C10orf90: variants seen among roughly 807,000 people sequenced by gnomAD.
C10orf90 encodes chromosome 10 open reading frame 90.
A neutral mutation model predicts 62.5 loss-of-function variants in C10orf90; 56 were observed. That is an observed-to-expected ratio of 0.90 (90% CI 0.72 to 1.12). The LOEUF (loss-of-function observed/expected upper bound fraction) is 1.12, where lower values mean the gene tolerates loss of function less well. C10orf90 is among the 50% of genes most tolerant of loss of function. The pLI is 0.00. For missense variants in C10orf90, 970 were observed against 880.4 expected, an observed-to-expected ratio of 1.10 and a Z score of -1.29; for synonymous variants, 386 against 340.4, an observed-to-expected ratio of 1.13 and a Z score of -1.47.
intron 3 of C10orf90, 137 bp downstream of exon 3, chr10:126,513,711 G>A (rs1363183726): frequency 1.3e-5 from 8 of 599,240 alleles, no homozygotes; most frequent in Admixed American, 9.0e-5. Context: ...TCTATAGCAC[G>A]GTTAGATTGT....
At chr10:126,609,273 G>A (rs1260030307) in intron 2 of C10orf90, among the ~76,000 whole-genome samples, 1 of 152,114 alleles carries the variant, frequency 6.6e-6, no homozygotes, top group African/African-American at 2.4e-5. Flanking sequence ...CATGGTGGTG[G>A]GCATCTGTAA....
intron 2 of C10orf90, among the ~76,000 whole-genome samples, chr10:126,515,335 C>T (rs1458481924): frequency 1.3e-5 from 2 of 152,220 alleles, no homozygotes; most frequent in South Asian, 4.1e-4. Context: ...CACTCACTCA[C>T]TCATCCAGAT....
chr10:126,438,751 T>TTG lies in C10orf90; in HGVS notation c.2189-8903_2189-8902dup, dbSNP rs5788786. On this transcript the variant is annotated intron_variant, in intron 7 of 9. Transcript: ENST00000488181. ...ATATGTATACATGTGTGTATGTATG[T>TTG]TGTGTGTGTGTGTGTGTGTGTGTGT... 2.1e-3 allele frequency among the ~76,000 whole-genome samples: 316 copies of TTG among 150,974 alleles called. 5 individuals are homozygous for TTG. The South Asian group carries it at 0.029, about 14-fold the overall frequency.
chr10:126,529,333 CCAAAGA>C (rs1361749363), intron 2 of C10orf90, among the ~76,000 whole-genome samples: 12 of 151,840 alleles, frequency 7.9e-5, no homozygotes, highest in African/African-American at 2.9e-4. Flanking sequence ...TAGAATATTC[CCAAAGA>C]CAAACACCAT....
chr10:126,504,744 G>C lies in C10orf90; in HGVS notation c.747C>G (p.Arg249=), dbSNP rs1359017743. ...ITARRVGPPA[R]ALVWGTAGDS... is the part of the protein sequence containing the mutation. ...CCCCAGCAGTCCCCCACACCAGGGCGCGGGCTGGGGGGCCCACGCGTCTGG... is the reference window on the plus strand; with the variant it reads ...CCCCAGCAGTCCCCCACACCAGGGCCCGGGCTGGGGGGCCCACGCGTCTGG... The change falls in exon 4 of 10, where the codon CGC becomes CGG. Residue 249 remains arginine (R), a synonymous_variant. Transcript: ENST00000488181. This position sits in a 1 kb window ranked among gnomAD's most constrained non-coding sequence, Gnocchi z 4.1. The C allele has an allele frequency of 1.3e-6, 2 of 1,594,830 alleles. No homozygotes were observed. Among genetic ancestry groups the C allele is most frequent in the Non-Finnish European group, 1.7e-6 (2 of 1,169,710 alleles).
intron 2 of C10orf90, among the ~76,000 whole-genome samples, chr10:126,518,579 CA>C (rs1297419498): frequency 6.6e-6 from 1 of 152,114 alleles, no homozygotes; most frequent in East Asian, 1.9e-4. Flanking sequence ...TGAGAGCCAG[CA>C]TGCTTTTATT....
In C10orf90 at chr10:126,566,710, A is replaced by G. The variant is rs116415820; in HGVS notation, c.314-52771T>C. ...GAGCTGGTGCCTGTGGGGCAGTGGC[A>G]TGGAGGACCACAGGTGCTGACCTTT... is the stretch of plus-strand genomic sequence containing the variant. On this transcript the variant is annotated intron_variant, in intron 2 of 9. Coordinates refer to ENST00000488181, the MANE Select transcript of C10orf90 (RefSeq NM_001350921.2). Among the ~76,000 whole-genome samples, 786 of 152,300 alleles carry G rather than the reference A, an allele frequency of 5.2e-3. 8 individuals are homozygous for G. Among genetic ancestry groups the G allele is most frequent in the African/African-American group, 0.017 (719 of 41,566 alleles).
intron 2 of C10orf90, among the ~76,000 whole-genome samples, chr10:126,549,423 A>T (rs892633406): frequency 6.6e-6 from 1 of 152,244 alleles, no homozygotes; most frequent in Non-Finnish European, 1.5e-5. Flanking sequence ...GTCCAGCCTC[A>T]TTAGCCATTA....
chr10:126,600,965 C>A (rs1845187512), intron 2 of C10orf90, among the ~76,000 whole-genome samples: 1 of 152,128 alleles, frequency 6.6e-6, no homozygotes, highest in Non-Finnish European at 1.5e-5. Flanking sequence ...ATGAATGGAT[C>A]AAGAAAATAT....
chr10:126,657,654 T>C (rs1007418671), intron 1 of C10orf90, among the ~76,000 whole-genome samples: 3 of 151,692 alleles, frequency 2.0e-5, no homozygotes, highest in African/African-American at 7.3e-5. Flanking sequence ...TCACTCATGT[T>C]GCCCAGGCTA....
At chr10:126,498,510 G>C (rs974896837) in intron 4 of C10orf90, among the ~76,000 whole-genome samples, 3 of 152,180 alleles carry the variant, frequency 2.0e-5, no homozygotes, top group African/African-American at 7.2e-5. Context: ...CAAGATCCTT[G>C]ACTTGTTTCA....
rs115480997 is a variant in C10orf90 at position 126,573,765 on chromosome 10, C to T, written c.314-59826G>A. On this transcript the variant is annotated intron_variant, in intron 2 of 9. Transcript: ENST00000488181. ...GTTTCCCTGACTGATCCCCAGTACCCAACACAAAGTCTGGCATGAGGAAAC... is the reference window on the plus strand; with the variant it reads ...GTTTCCCTGACTGATCCCCAGTACCTAACACAAAGTCTGGCATGAGGAAAC... Among the ~76,000 whole-genome samples the T allele has an allele frequency of 9.0e-3, 1,376 of 152,224 alleles. 24 individuals carry two copies. The highest frequency in any genetic ancestry group is 0.032 in the African/African-American group (1,316 of 41,544).
At chr10:126,626,506 C>T (rs1167849573) in intron 2 of C10orf90, among the ~76,000 whole-genome samples, 1 of 152,128 alleles carries the variant, frequency 6.6e-6, no homozygotes, top group Admixed American at 6.5e-5. Context: ...TGTCTTGCCT[C>T]GTGTGTGAAG....
At chr10:126,521,246 A>T in intron 2 of C10orf90, 1 of 1,588,116 alleles carries the variant, frequency 6.3e-7, no homozygotes, top group South Asian at 1.1e-5. Flanking sequence ...GAATGAACAG[A>T]TTACTTTATA....
chr10:126,437,882 G>T lies in C10orf90; in HGVS notation c.2189-8032C>A, dbSNP rs369265934. On this transcript the variant is annotated intron_variant, in intron 7 of 9. Transcript: ENST00000488181. Reference sequence around the variant, plus strand: ...AGGCAATGCTGTGGAAGGCCAGCCTGTGTCCTTGTTATGCAGTTAGTTCTA... The same window carrying T: ...AGGCAATGCTGTGGAAGGCCAGCCTTTGTCCTTGTTATGCAGTTAGTTCTA... Among the ~76,000 whole-genome samples the T allele has an allele frequency of 3.0e-3, 454 of 152,332 alleles. 4 individuals carry two copies. The highest frequency in any genetic ancestry group is 5.5e-3 in the Non-Finnish European group (371 of 68,032).
chr10:126,618,968 C>A (rs1845594182), intron 2 of C10orf90, among the ~76,000 whole-genome samples: 1 of 152,026 alleles, frequency 6.6e-6, no homozygotes, highest in Non-Finnish European at 1.5e-5. Context: ...AAATGTGGTA[C>A]ATATACACCA....
intron 2 of C10orf90, among the ~76,000 whole-genome samples, chr10:126,623,911 T>A (rs934811716): frequency 2.0e-5 from 3 of 151,738 alleles, no homozygotes; most frequent in African/African-American, 7.3e-5. Context: ...GTCCCAGCCC[T>A]TAGAAACCCT....
At chr10:126,527,380 G>A (rs1429091712) in intron 2 of C10orf90, among the ~76,000 whole-genome samples, 2 of 152,192 alleles carry the variant, frequency 1.3e-5, no homozygotes, top group East Asian at 3.9e-4. Context: ...TGTCTATCCA[G>A]ATCCTTTGCT....
chr10:126,511,482 C>T (rs1591045308), intron 3 of C10orf90, among the ~76,000 whole-genome samples: 1 of 152,252 alleles, frequency 6.6e-6, no homozygotes, highest in South Asian at 2.1e-4. Flanking sequence ...CTCTTCTCGT[C>T]CTGTAAAACT....
Sources: gnomAD v4.1 joint callset for allele counts (sites outside exome capture counted in the v4.1 genomes callset) on GRCh38, gnomAD v4.1.1 for gene constraint, Gnocchi (gnomAD v3.1) non-coding constraint, MANE v1.5 for transcripts, NCBI Gene and HGNC (gene_info 2026-07-23, HGNC 2026-07-21) for gene names.